The following KAZN variants were observed in gnomAD, a reference collection of about 807,000 sequenced individuals.
The protein encoded by KAZN is kazrin.
A neutral mutation model predicts 87.4 loss-of-function variants in KAZN; 40 were observed. The ratio of observed to expected loss-of-function variants is 0.46; its 90% CI spans 0.36 to 0.60. The LOEUF (loss-of-function observed/expected upper bound fraction) is 0.60, where lower values mean the gene tolerates loss of function less well. Among genes scored for constraint, KAZN ranks in the 20% least tolerant of loss-of-function variants. The pLI, the probability that KAZN is intolerant of heterozygous loss-of-function variation, is 0.00. For synonymous variants in KAZN, 466 were observed against 458.3 expected, an observed-to-expected ratio of 1.02 and a Z score of -0.22; for missense variants, 898 against 1,073.9, an observed-to-expected ratio of 0.84 and a Z score of 2.29.
chr1:14,303,552 C>T (rs1396348978), intron 2 of KAZN, among the ~76,000 whole-genome samples: 2 of 152,132 alleles, frequency 1.3e-5, no homozygotes, highest in African/African-American at 4.8e-5. Flanking sequence ...CGGGAATCTG[C>T]ACTTTTAAGA....
At chr1:14,139,626 G>A (rs1035725531) in intron 1 of KAZN, among the ~76,000 whole-genome samples, 1 of 152,256 alleles carries the variant, frequency 6.6e-6, no homozygotes, top group African/African-American at 2.4e-5. Context: ...TCCCTCCTCT[G>A]GACAATTAGC....
At chr1:14,639,540 G>A (rs1259546766) in intron 1 of KAZN, among the ~76,000 whole-genome samples, 2 of 152,142 alleles carry the variant, frequency 1.3e-5, no homozygotes, top group African/African-American at 2.4e-5. Flanking sequence ...ATGGAGTAGA[G>A]GCCATTTGTA....
At chr1:14,757,145 C>A (rs914660608) in intron 1 of KAZN, among the ~76,000 whole-genome samples, 1 of 152,250 alleles carries the variant, frequency 6.6e-6, no homozygotes, top group Admixed American at 6.5e-5. Flanking sequence ...ACTTAAACAT[C>A]ACCTAGCCTT....
At chr1:14,341,882 TAAATTTGTG>T (rs1657753393) in intron 2 of KAZN, among the ~76,000 whole-genome samples, 1 of 152,204 alleles carries the variant, frequency 6.6e-6, no homozygotes, top group African/African-American at 2.4e-5. Context: ...GTTACATAGG[TAAATTTGTG>T]ACATGGGGGT....
At chr1:15,067,044 G>A in intron 8 of KAZN, 1 of 985,694 alleles carries the variant, frequency 1.0e-6, no homozygotes, top group Non-Finnish European at 1.2e-6. Flanking sequence ...GGTACGACCA[G>A]TGGGACCCTG....
At chr1:14,344,670 G>C (rs112291098) in intron 2 of KAZN, among the ~76,000 whole-genome samples, 2,820 of 152,176 alleles carry the variant, frequency 0.019, 41 homozygotes, top group Middle Eastern at 0.041. Flanking sequence ...AGACTAAGAG[G>C]GGAGAGACAT....
intron 2 of KAZN, among the ~76,000 whole-genome samples, chr1:14,526,549 C>T (rs1462714645): frequency 6.6e-6 from 1 of 152,230 alleles, no homozygotes; most frequent in Non-Finnish European, 1.5e-5. Context: ...TCCGGGTCAT[C>T]TATAGCTGAA....
intron 2 of KAZN, among the ~76,000 whole-genome samples, chr1:15,022,023 G>A (rs1427630733): frequency 6.6e-6 from 1 of 152,152 alleles, no homozygotes; most frequent in African/African-American, 2.4e-5. Flanking sequence ...ACAGTACAGG[G>A]AAAACTGCCC....
rs1384499365 is a variant in KAZN at position 14,906,172 on chromosome 1, TATATTATAATAATAATAATA to T, written c.227-54508_227-54489del. ...CAGATCGAGACTCCATCTCAAAAAA[TATATTATAATAATAATAATA>T]ATAATAATAATAATAATAATAATAA... On this transcript the variant is annotated intron_variant, in intron 1 of 14. Coordinates refer to ENST00000376030, the MANE Select transcript of KAZN (RefSeq NM_201628.3). Among the ~76,000 whole-genome samples, 15 of 117,542 alleles carry T rather than the reference TATATTATAATAATAATAATA, an allele frequency of 1.3e-4. No homozygotes were observed. The East Asian group carries it at 3.2e-3, about 25-fold the overall frequency. 77.1% of individuals were successfully genotyped at this position (117,542 alleles called of 152,430 possible).
chr1:14,296,725 T>C (rs1240464257), intron 2 of KAZN, among the ~76,000 whole-genome samples: 1 of 138,644 alleles, frequency 7.2e-6, no homozygotes, highest in African/African-American at 2.7e-5. Flanking sequence ...AACCTCTGCC[T>C]CCTGGGTTTA....
chr1:14,092,320 T>C (rs1284462603), intron 1 of KAZN, among the ~76,000 whole-genome samples: 1 of 151,478 alleles, frequency 6.6e-6, no homozygotes, highest in Non-Finnish European at 1.5e-5. Context: ...CTTGATCTCC[T>C]GACCTCGTGA....
intron 2 of KAZN, among the ~76,000 whole-genome samples, chr1:14,588,097 C>G (rs990003091): frequency 6.6e-6 from 1 of 152,122 alleles, no homozygotes; most frequent in Non-Finnish European, 1.5e-5. Context: ...CTCAGTTCTC[C>G]TCTCTGTAAA....
At chr1:14,040,064 C>CGT (rs1408019256) in intron 1 of KAZN, among the ~76,000 whole-genome samples, 3 of 149,082 alleles carry the variant, frequency 2.0e-5, no homozygotes, top group South Asian at 2.1e-4. Context: ...TGTGTGTGCA[C>CGT]GTGTGTGTGT....
intron 2 of KAZN, among the ~76,000 whole-genome samples, chr1:14,527,271 C>T (rs1350045408): frequency 6.6e-6 from 1 of 152,108 alleles, no homozygotes; most frequent in Non-Finnish European, 1.5e-5. Flanking sequence ...AGAGGTTTAG[C>T]CGGGCGCTGT....
chr1:14,395,718 T>G (rs1312986137), intron 2 of KAZN, among the ~76,000 whole-genome samples: 3 of 152,070 alleles, frequency 2.0e-5, no homozygotes, highest in African/African-American at 4.8e-5. Context: ...CAGGGAAAGA[T>G]GCAGCACGGA....
chr1:14,308,355 T>G (rs532551509), intron 2 of KAZN, among the ~76,000 whole-genome samples: 1 of 152,300 alleles, frequency 6.6e-6, no homozygotes, highest in African/African-American at 2.4e-5. Context: ...ACTGCAATAT[T>G]TAGGGTTATG....
chr1:14,532,526 T>A (rs1212996491), intron 2 of KAZN, among the ~76,000 whole-genome samples: 1 of 151,526 alleles, frequency 6.6e-6, no homozygotes, highest in African/African-American at 2.4e-5. Flanking sequence ...TGTGCAGGTT[T>A]GTTACATATG....
intron 2 of KAZN, among the ~76,000 whole-genome samples, chr1:14,369,234 G>T (rs1660270292): frequency 6.6e-6 from 1 of 152,184 alleles, no homozygotes; most frequent in Non-Finnish European, 1.5e-5. Context: ...GTGTGTGAGA[G>T]CAAAGCAGCC....
chr1:14,116,001 A>G (rs537916826), intron 1 of KAZN, among the ~76,000 whole-genome samples: 1 of 152,362 alleles, frequency 6.6e-6, no homozygotes, highest in South Asian at 2.1e-4. Flanking sequence ...ATCCGGAAGA[A>G]TAAATTTCTA....
Sources: gnomAD v4.1 joint callset for allele counts (sites outside exome capture counted in the v4.1 genomes callset) on GRCh38, gnomAD v4.1.1 for gene constraint, MANE v1.5 for transcripts, NCBI Gene and HGNC (gene_info 2026-07-23, HGNC 2026-07-21) for gene names.